The following ADGRV1 variants were observed in gnomAD, a reference collection of about 807,000 sequenced individuals.
ADGRV1 encodes the protein G-protein coupled receptor 98.
Under a neutral mutation model 596.2 loss-of-function variants are expected in ADGRV1, and 359 were observed. That is an observed-to-expected ratio of 0.60 (90% CI 0.55 to 0.66). The LOEUF (loss-of-function observed/expected upper bound fraction) is 0.66. ADGRV1 is among the 30% of genes least tolerant of loss of function. The pLI is 0.00. For missense variants in ADGRV1, 7,274 were observed against 7,575.6 expected (o/e 0.96, Z 1.48); for synonymous variants, 2,681 against 2,679.2 (o/e 1.00, Z -0.02).
intron 89 of ADGRV1, among the ~76,000 whole-genome samples, chr5:91,159,899 G>A (rs907863371): frequency 2.0e-5 from 3 of 152,184 alleles, no homozygotes; most frequent in Non-Finnish European, 2.9e-5. Flanking sequence ...AACAAGGTGT[G>A]CCTTGAGTAC....
chr5:90,691,136 T>A (rs1489578871), intron 31 of ADGRV1, 95 bp downstream of exon 31: 1 of 1,432,676 alleles, frequency 7.0e-7, no homozygotes, highest in Non-Finnish European at 9.8e-7. Flanking sequence ...GGAGAGGATG[T>A]CAAATAAATT....
rs570866667 is a variant in ADGRV1 at position 90,678,051 on chromosome 5, T to G, written c.5444-1498T>G. Among the ~76,000 whole-genome samples, 10 of 152,320 alleles carry G rather than the reference T, an allele frequency of 6.6e-5. No homozygotes were observed. The South Asian group carries it at 1.9e-3, about 28-fold the overall frequency. On this transcript the variant is annotated intron_variant, in intron 25 of 89. Transcript: ENST00000405460. ...TGTTGAACTTCTTTTTTATGACTTC[T>G]GGATAATGTGGGAGCAAAGCCATGT... is the stretch of plus-strand genomic sequence containing the variant.
At chr5:90,630,507 T>G (rs1488844280) in intron 9 of ADGRV1, 2 of 152,180 alleles carry the variant, frequency 1.3e-5, no homozygotes, top group Non-Finnish European at 2.9e-5. Context: ...GTTGTTGTTT[T>G]CCATGTGTTG....
chr5:90,653,888 C>T lies in ADGRV1; in HGVS notation c.4314C>T (p.Phe1438=), dbSNP rs1486487003. Residue 1438 remains phenylalanine (F), a synonymous_variant, in exon 20 of 90, where the codon TTC becomes TTT. Transcript: ENST00000405460. ...LIILEDGIIE[F]YLDGNAMPRG... is the part of the protein sequence containing the mutation. Reference sequence around the variant, plus strand: ...TCCTGGAGGATGGTATAATCGAATTCTACCTGGATGGAAATGCAATGCCCA... The same window carrying T: ...TCCTGGAGGATGGTATAATCGAATTTTACCTGGATGGAAATGCAATGCCCA... 8 of 1,591,610 alleles carry T rather than the reference C, an allele frequency of 5.0e-6. No individual in the cohort carries two copies. Among genetic ancestry groups the T allele is most frequent in the Non-Finnish European group, 6.8e-6 (8 of 1,168,102 alleles).
chr5:90,649,794 T>C (rs1768328154), intron 17 of ADGRV1, among the ~76,000 whole-genome samples: 1 of 152,142 alleles, frequency 6.6e-6, no homozygotes, highest in African/African-American at 2.4e-5. Context: ...TAGCCAGAAA[T>C]TGACGCTTGA....
chr5:91,010,344 C>T (rs1057221379), intron 85 of ADGRV1, among the ~76,000 whole-genome samples: 6 of 152,062 alleles, frequency 3.9e-5, no homozygotes, highest in African/African-American at 1.4e-4. Context: ...AAAGGAAATG[C>T]TCAACTATAC....
chr5:90,750,872 T>C (rs1472677936), intron 53 of ADGRV1, among the ~76,000 whole-genome samples, 175 bp downstream of exon 53: 3 of 152,192 alleles, frequency 2.0e-5, no homozygotes, highest in Non-Finnish European at 2.9e-5. Flanking sequence ...GTTGTGGGTA[T>C]TGTTCTTTTT....
At chr5:90,742,236 G>A in intron 50 of ADGRV1, among the ~76,000 whole-genome samples, 1 of 152,164 alleles carries the variant, frequency 6.6e-6, no homozygotes, top group East Asian at 1.9e-4. Flanking sequence ...GCTATGAAAG[G>A]ATAGAATACT....
intron 9 of ADGRV1, among the ~76,000 whole-genome samples, chr5:90,633,802 CT>C (rs1765802375): frequency 6.6e-6 from 1 of 151,712 alleles, no homozygotes; most frequent in Non-Finnish European, 1.5e-5. Context: ...TAATTTTTTT[CT>C]TTTTTCAAAT....
chr5:90,873,043 C>T (rs1239429477), intron 83 of ADGRV1, among the ~76,000 whole-genome samples: 1 of 152,232 alleles, frequency 6.6e-6, no homozygotes, highest in Admixed American at 6.5e-5. Context: ...TGAGCTTTAT[C>T]TGCTTGCTGT....
intron 58 of ADGRV1, chr5:90,762,465 T>A (rs1756614551): frequency 6.6e-6 from 1 of 152,222 alleles, no homozygotes; most frequent in African/African-American, 2.4e-5. Context: ...TTGTATTGCA[T>A]GTTAAGCTTC....
At chr5:90,663,730 G>T (rs1044971281) in intron 21 of ADGRV1, among the ~76,000 whole-genome samples, 3 of 152,082 alleles carry the variant, frequency 2.0e-5, no homozygotes, top group African/African-American at 7.2e-5. Context: ...TTCTTCAAGG[G>T]TTTTTATGGT....
chr5:90,941,758 G>A (rs559876853), intron 83 of ADGRV1, among the ~76,000 whole-genome samples: 5 of 152,312 alleles, frequency 3.3e-5, no homozygotes, highest in Admixed American at 2.6e-4. Flanking sequence ...TAAGTTAGGC[G>A]TGTATGTTGA....
chr5:91,107,422 G>GTTTTGTTTTTGTTTTGGTTTTTGT (rs1554225539), intron 87 of ADGRV1, among the ~76,000 whole-genome samples: 1 of 150,564 alleles, frequency 6.6e-6, no homozygotes, highest in African/African-American at 2.5e-5. Context: ...GTTTCGTTTT[G>GTTTTGTTTTTGTTTTGGTTTTTGT]TTTTGTTTTT....
chr5:90,962,420 C>G (rs1421728393), intron 83 of ADGRV1, among the ~76,000 whole-genome samples: 1 of 152,162 alleles, frequency 6.6e-6, no homozygotes, highest in African/African-American at 2.4e-5. Context: ...AGAGAACTGA[C>G]TGTGAAAATA....
rs553263815 is a variant in ADGRV1 at position 90,577,911 on chromosome 5, CTCTG to C, written c.22+18998_22+19001del. ...ATGGGAATTCACTCATGATTTGGCT[CTCTG>C]TCTATTATTGGTGTATGGAATGCTT... On this transcript the variant is annotated intron_variant, in intron 1 of 89. Transcript: ENST00000405460. Among the ~76,000 whole-genome samples, 929 of 151,968 alleles carry C rather than the reference CTCTG, an allele frequency of 6.1e-3. 6 individuals carry two copies. The highest frequency in any genetic ancestry group is 0.02 in the Middle Eastern group (6 of 294).
intron 29 of ADGRV1, among the ~76,000 whole-genome samples, chr5:90,688,706 A>G (rs908587623): frequency 4.6e-5 from 7 of 152,344 alleles, no homozygotes; most frequent in African/African-American, 1.4e-4. Flanking sequence ...TTTGAAAGCT[A>G]TGATGACCAA....
At position 90,697,115 on chromosome 5, in the gene ADGRV1, G is replaced by A. The variant is rs773326524; in HGVS notation, c.8124G>A (p.Gln2708=). The A allele has an allele frequency of 1.9e-6, 3 of 1,613,368 alleles. No individual in the cohort carries two copies. Among genetic ancestry groups the A allele is most frequent in the Non-Finnish European group, 8.5e-7 (1 of 1,179,410 alleles). The change falls in exon 34 of 90, where the codon CAG becomes CAA. Residue 2708 remains glutamine (Q), a synonymous_variant. Transcript: ENST00000405460. ...ATGTGGCAGGAATTGTTAGCTTTCA[G>A]ACAGCTTCCAGATCTGTCATAGGTC... The part of the protein sequence containing the change: ...NDNVAGIVSF[Q]TASRSVIGHE...
At chr5:90,609,745 A>G (rs10044044) in intron 1 of ADGRV1, among the ~76,000 whole-genome samples, 32,173 of 151,936 alleles carry the variant, frequency 0.21, 3,815 homozygotes, top group East Asian at 0.4. Flanking sequence ...TGGTCACACC[A>G]TGGGAAGATG....
Sources: allele counts gnomAD v4.1 joint callset (sites outside exome capture counted in the v4.1 genomes callset), GRCh38; gene constraint gnomAD v4.1.1; transcripts MANE v1.5; gene names NCBI Gene and HGNC (gene_info 2026-07-23, HGNC 2026-07-21).